Variants in GRB10 observed in about 807,000 individuals in gnomAD.
The protein encoded by GRB10 is growth factor receptor-bound protein 10.
GRB10 carries 20 observed loss-of-function variants against 80.9 expected under a neutral mutation model. That is an observed-to-expected ratio of 0.25 (90% confidence interval 0.17 to 0.36). The LOEUF (loss-of-function observed/expected upper bound fraction) is 0.36, where lower values mean the gene tolerates loss of function less well. GRB10 is among the 10% of genes least tolerant of loss of function. GRB10 has a pLI of 1.00. For synonymous variants in GRB10, 291 were observed against 291.5 expected, an observed-to-expected ratio of 1.00 and a Z score of 0.02; for missense variants, 548 against 747.7, an observed-to-expected ratio of 0.73 and a Z score of 3.12.
At chr7:50,756,180 T>C in intron 2 of GRB10, 124 bp from the exon 3 acceptor site, 1 of 397,488 alleles carries the variant, frequency 2.5e-6, no homozygotes, top group Non-Finnish European at 4.4e-6. Flanking sequence ...AAGAAGATCA[T>C]TTAAGAGTGT....
At chr7:50,684,225 G>C (rs1294020898) in intron 5 of GRB10, among the ~76,000 whole-genome samples, 7 of 125,274 alleles carry the variant, frequency 5.6e-5, no homozygotes, top group African/African-American at 2.2e-4. Context: ...AGAATCAAAT[G>C]CAGATAGCCT....
intron 2 of GRB10, among the ~76,000 whole-genome samples, chr7:50,773,459 A>G (rs2077218591): frequency 7.1e-5 from 1 of 14,064 alleles, no homozygotes; most frequent in Non-Finnish European, 1.3e-4. Context: ...AAGGGAGGGG[A>G]GGGGAAGGCA....
At chr7:50,700,076 T>C (rs1432234858) in intron 5 of GRB10, among the ~76,000 whole-genome samples, 5 of 148,864 alleles carry the variant, frequency 3.4e-5, no homozygotes, top group Non-Finnish European at 6.0e-5. Flanking sequence ...GTGGCAGAGA[T>C]TGCAGTGAGC....
chr7:50,620,917 C>T (rs1288682191), intron 8 of GRB10, among the ~76,000 whole-genome samples: 1 of 152,152 alleles, frequency 6.6e-6, no homozygotes, highest in African/African-American at 2.4e-5. Flanking sequence ...AAAACAAAAA[C>T]CCAAAACCAA....
chr7:50,659,331 G>C (rs542156742), intron 7 of GRB10, among the ~76,000 whole-genome samples: 8 of 152,250 alleles, frequency 5.3e-5, no homozygotes, highest in Admixed American at 4.6e-4. Context: ...AACGTGAAGA[G>C]ATCTCAGTCA....
intron 12 of GRB10, among the ~76,000 whole-genome samples, chr7:50,614,376 C>T (rs914836315): frequency 2.6e-5 from 4 of 152,168 alleles, no homozygotes; most frequent in Admixed American, 2.0e-4. Flanking sequence ...CAGCCAGAGG[C>T]CCACACAGAA....
At chr7:50,792,242 C>G (rs180902174) in intron 1 of GRB10, among the ~76,000 whole-genome samples, 19 of 151,596 alleles carry the variant, frequency 1.3e-4, no homozygotes, top group African/African-American at 4.4e-4. Context: ...TTTCCCCCCT[C>G]CCCCCCATCT....
chr7:50,606,368 T>G lies in GRB10; in HGVS notation c.1241A>C (p.Lys414Thr), dbSNP rs1486136571. The G allele has an allele frequency of 1.2e-6, 2 of 1,614,086 alleles. No homozygotes were observed. The highest frequency in any genetic ancestry group is 1.7e-6 in the Non-Finnish European group (2 of 1,179,914). Reference protein sequence around the residue: ...YQNYRIPQQRKALLSPFSTPV... With the variant: ...YQNYRIPQQRTALLSPFSTPV... Reference sequence around the variant, plus strand: ...CGTCGAGAACGGGGACAGCAAGGCCTTCCTCTGCTGAGGGATTCGGTAATT... The same window carrying G: ...CGTCGAGAACGGGGACAGCAAGGCCGTCCTCTGCTGAGGGATTCGGTAATT... The change falls in exon 14 of 19, where the codon AAG becomes ACG. Residue 414 changes from lysine (K) to threonine (T), a missense_variant. Physicochemically the swap from Lys to Thr is moderately conservative, Grantham distance 78 (BLOSUM62 -1). Around this residue, in one of 4 missense-constraint regions of GRB10, gnomAD observed 270 missense variants for 433.6 expected, o/e 0.62. Coordinates refer to ENST00000401949, the MANE Select transcript of GRB10 (RefSeq NM_001350814.2).
At chr7:50,700,890 TAC>T (rs1309983720) in intron 5 of GRB10, among the ~76,000 whole-genome samples, 2 of 152,248 alleles carry the variant, frequency 1.3e-5, no homozygotes, top group Non-Finnish European at 1.5e-5. Context: ...TTCAAAAAGT[TAC>T]ACAGGTTTTA....
At chr7:50,748,454 T>C (rs1229073461) in intron 3 of GRB10, among the ~76,000 whole-genome samples, 2 of 151,738 alleles carry the variant, frequency 1.3e-5, no homozygotes, top group Non-Finnish European at 2.9e-5. Flanking sequence ...AGAAAGGAGG[T>C]AGGAGAAACA....
At chr7:50,752,181 C>G (rs2074225064) in intron 3 of GRB10, among the ~76,000 whole-genome samples, 1 of 151,928 alleles carries the variant, frequency 6.6e-6, no homozygotes, top group African/African-American at 2.4e-5. Context: ...TGTGAGAGGG[C>G]TCTCCTATGG....
Position 50,721,092 on chromosome 7 carries a change from A to G in GRB10, c.51+11180T>C, listed in dbSNP as rs536917437. Among the ~76,000 whole-genome samples, 4 of 152,384 alleles carry G rather than the reference A, an allele frequency of 2.6e-5. No homozygotes were observed. The South Asian group carries it at 8.3e-4, about 32-fold the overall frequency. ...TATTTGCCATATTCAAACAATTTTAACACAGTAAAGGTACCCAAACACGAA... is the reference window on the plus strand; with the variant it reads ...TATTTGCCATATTCAAACAATTTTAGCACAGTAAAGGTACCCAAACACGAA... On this transcript the variant is annotated intron_variant, in intron 4 of 18. Coordinates refer to ENST00000401949, the MANE Select transcript of GRB10 (RefSeq NM_001350814.2).
Position 50,740,605 on chromosome 7 carries a change from G to T in GRB10, c.-46-8237C>A, listed in dbSNP as rs74552127. Among the ~76,000 whole-genome samples the T allele has an allele frequency of 7.8e-3, 1,181 of 152,040 alleles. 35 individuals are homozygous for T. The highest frequency in any genetic ancestry group is 0.052 in the East Asian group (272 of 5,184). On this transcript the variant is annotated intron_variant, in intron 3 of 18. Transcript: ENST00000401949. ...AAAATATAATTGAGCAATGTTCACGGTATATTAAAATAATCACATGTAGAA... is the reference window on the plus strand; with the variant it reads ...AAAATATAATTGAGCAATGTTCACGTTATATTAAAATAATCACATGTAGAA...
upstream of GRB10, among the ~76,000 whole-genome samples, chr7:50,784,852 C>T (rs550001436): frequency 2.0e-5 from 3 of 152,342 alleles, no homozygotes; most frequent in Admixed American, 2.0e-4. Flanking sequence ...GGAATGAGAA[C>T]TACCATTCAC....
At chr7:50,634,184 T>C (rs575352429) in intron 7 of GRB10, among the ~76,000 whole-genome samples, 5 of 152,164 alleles carry the variant, frequency 3.3e-5, no homozygotes, top group Non-Finnish European at 7.4e-5. Context: ...AGACTAACAG[T>C]GGACTTCTCA....
At chr7:50,726,580 T>A (rs2068695393) in intron 4 of GRB10, among the ~76,000 whole-genome samples, 1 of 152,184 alleles carries the variant, frequency 6.6e-6, no homozygotes, top group Non-Finnish European at 1.5e-5. Context: ...TTTATTTCCA[T>A]TTATTTACTT....
At chr7:50,762,876 G>A (rs1037695200) in intron 2 of GRB10, among the ~76,000 whole-genome samples, 1 of 152,222 alleles carries the variant, frequency 6.6e-6, no homozygotes, top group Non-Finnish European at 1.5e-5. Context: ...CCTGTACTTT[G>A]GGAGGCTGAG....
rs778788053 is a variant in GRB10, at chr7:50,612,890, C to G, written c.1096-51G>C. ...TTAGTGTTACACAGGGAGTCAGAAA[C>G]AGCTTCTGTCAAGGCAGGGCTGCAT... is the stretch of plus-strand genomic sequence containing the variant. On this transcript the variant is annotated intron_variant, in intron 12 of 18. Coordinates refer to ENST00000401949, the MANE Select transcript of GRB10 (RefSeq NM_001350814.2). The G allele has an allele frequency of 1.9e-5, 23 of 1,241,760 alleles. No individual in the cohort carries two copies. The East Asian group carries it at 3.5e-4, about 19-fold the overall frequency. The allele number at this position is 1,241,760 out of a possible 1,614,324, so 76.9% of individuals were successfully genotyped here. A position where few individuals can be genotyped will look rare whatever the true frequency, so the allele number is the denominator to read the frequency against.
chr7:50,593,203 G>A (rs1166409673), intron 18 of GRB10, 105 bp from the exon 19 acceptor site: 1 of 1,337,190 alleles, frequency 7.5e-7, no homozygotes, highest in Non-Finnish European at 1.1e-6. Flanking sequence ...TTTGATTCCA[G>A]AGGGACACAC....
Sources: allele counts gnomAD v4.1 joint callset (sites outside exome capture counted in the v4.1 genomes callset), GRCh38; gene constraint gnomAD v4.1.1; regional missense constraint gnomAD v4.1.1; transcripts MANE v1.5; gene names NCBI Gene and HGNC (gene_info 2026-07-23, HGNC 2026-07-21).